UNC5B: variants seen among roughly 807,000 people sequenced by gnomAD.
UNC5B encodes the protein unc-5 netrin receptor B.
In UNC5B, 56 loss-of-function variants were observed where a neutral mutation model predicts 103.7. The ratio of observed to expected loss-of-function variants is 0.54; its 90% CI spans 0.44 to 0.67. The LOEUF is 0.67. UNC5B is among the 30% of genes least tolerant of loss of function. UNC5B has a pLI of 0.00. For synonymous variants in UNC5B, 577 were observed against 542.0 expected, an observed-to-expected ratio of 1.06 and a Z score of -0.90; for missense variants, 1,194 against 1,284.5, an observed-to-expected ratio of 0.93 and a Z score of 1.08.
chr10:71,245,582 A>T (rs1844011671), intron 1 of UNC5B, among the ~76,000 whole-genome samples: 1 of 152,144 alleles, frequency 6.6e-6, no homozygotes, highest in Non-Finnish European at 1.5e-5. Flanking sequence ...GGGTGGATTC[A>T]TCCAGAGAAT....
chr10:71,264,580 T>C (rs1844483315), intron 1 of UNC5B, among the ~76,000 whole-genome samples: 1 of 152,060 alleles, frequency 6.6e-6, no homozygotes, highest in Admixed American at 6.6e-5. Flanking sequence ...ATCATAGAAG[T>C]GTTAAGGAAA....
chr10:71,230,994 G>A (rs1843670259), intron 1 of UNC5B, among the ~76,000 whole-genome samples: 1 of 152,200 alleles, frequency 6.6e-6, no homozygotes, highest in African/African-American at 2.4e-5. Context: ...TGAAGTCATT[G>A]TCCCATTTAA....
At chr10:71,287,449 A>G (rs1845117830) in intron 5 of UNC5B, 149 bp from the exon 6 acceptor site, 3 of 942,150 alleles carry the variant, frequency 3.2e-6, no homozygotes, top group East Asian at 5.2e-5. Flanking sequence ...TCTATCTGCC[A>G]GTTCTGAGTC....
chr10:71,252,746 T>C (rs1844201703), intron 1 of UNC5B, among the ~76,000 whole-genome samples: 1 of 152,098 alleles, frequency 6.6e-6, no homozygotes, highest in African/African-American at 2.4e-5. Flanking sequence ...ACCTGCCTTG[T>C]GAGACGGCAC....
chr10:71,269,317 T>TA (rs917710955), intron 1 of UNC5B, among the ~76,000 whole-genome samples: 3 of 146,106 alleles, frequency 2.1e-5, no homozygotes, highest in South Asian at 2.2e-4. Context: ...TGTTTTCAAT[T>TA]AAAAAAAAAG....
chr10:71,282,978 G>T (rs1423473577), intron 2 of UNC5B, among the ~76,000 whole-genome samples: 1 of 152,140 alleles, frequency 6.6e-6, no homozygotes, highest in Non-Finnish European at 1.5e-5. Context: ...AAATTAGCCA[G>T]GCGTGGTGGC....
intron 1 of UNC5B, among the ~76,000 whole-genome samples, chr10:71,237,012 G>A (rs1163561281): frequency 1.3e-5 from 2 of 152,232 alleles, no homozygotes; most frequent in African/African-American, 4.8e-5. Context: ...TGGAGGAGGT[G>A]GAGGTGTAGA....
chr10:71,290,885 G>A, intron 8 of UNC5B, 30 bp from the exon 9 acceptor site: 1 of 1,591,628 alleles, frequency 6.3e-7, no homozygotes. Context: ...GGTCTCTGCT[G>A]CCCCTTATGT....
At chr10:71,269,725 A>G (rs1205992867) in intron 1 of UNC5B, among the ~76,000 whole-genome samples, 1 of 152,066 alleles carries the variant, frequency 6.6e-6, no homozygotes, top group Admixed American at 6.5e-5. Context: ...CTTTCTGTCC[A>G]GAAACAGACA....
chr10:71,280,120 CTT>C, intron 2 of UNC5B, 75 bp downstream of exon 2: 1 of 1,476,680 alleles, frequency 6.8e-7, no homozygotes, highest in Non-Finnish European at 9.3e-7. Context: ...CCATGTGAGA[CTT>C]CACACAGCCA....
At chr10:71,293,645 T>C in intron 12 of UNC5B, 55 bp from the exon 13 acceptor site, 1 of 1,607,392 alleles carries the variant, frequency 6.2e-7, no homozygotes, top group South Asian at 1.1e-5. Context: ...GCCCTTTTCC[T>C]CTGGCCCAGC....
intron 1 of UNC5B, among the ~76,000 whole-genome samples, chr10:71,239,630 G>A (rs1174367348): frequency 6.6e-6 from 1 of 152,126 alleles, no homozygotes; most frequent in East Asian, 1.9e-4. Context: ...GGCCCAGTCT[G>A]GAGAGCCCAC....
At chr10:71,258,024 G>C (rs979212244) in intron 1 of UNC5B, among the ~76,000 whole-genome samples, 1 of 152,200 alleles carries the variant, frequency 6.6e-6, no homozygotes, top group South Asian at 2.1e-4. Context: ...TGCTTTCACT[G>C]GGAACTGTTT....
At position 71,249,800 on chromosome 10, in the gene UNC5B, A is replaced by G. The variant is rs138085799; in HGVS notation, c.80-30021A>G. On this transcript the variant is annotated intron_variant, in intron 1 of 16. Transcript: ENST00000335350. The stretch of plus-strand genomic sequence containing the variant: ...CAGGAGGTTAGGGCATGGAACAGAT[A>G]GGTTACTTAGAGAATCTTCTGGAAA... 1.2e-4 allele frequency among the ~76,000 whole-genome samples: 18 copies of G among 152,296 alleles called. No homozygotes were observed. In the East Asian group the frequency reaches 3.3e-3, roughly 28 times the overall value.
intron 1 of UNC5B, among the ~76,000 whole-genome samples, chr10:71,275,357 C>T (rs1300402668): frequency 6.6e-6 from 1 of 152,200 alleles, no homozygotes; most frequent in Non-Finnish European, 1.5e-5. Context: ...AGATGTGGTT[C>T]CTCTGTAGAG....
rs201177307 is a variant in UNC5B at position 71,214,615 on chromosome 10, T to C, written c.79+1551T>C. Among the ~76,000 whole-genome samples the C allele has an allele frequency of 4.1e-4, 62 of 152,178 alleles. No individual in the cohort carries two copies. The East Asian group carries it at 0.011, about 27-fold the overall frequency. Reference sequence around the variant, plus strand: ...AAGGGTAGGGTGAAGTCTCTGTAAATGGCACATGGGCAGGGTTGTGTCTTG... The same window carrying C: ...AAGGGTAGGGTGAAGTCTCTGTAAACGGCACATGGGCAGGGTTGTGTCTTG... On this transcript the variant is annotated intron_variant, in intron 1 of 16. Transcript: ENST00000335350.
chr10:71,289,350 C>T (rs75342942), intron 8 of UNC5B, among the ~76,000 whole-genome samples: 7,305 of 152,286 alleles, frequency 0.048, 256 homozygotes, highest in South Asian at 0.13. Context: ...AACCATATGC[C>T]CTTGGCCCTC....
At chr10:71,237,549 G>A (rs1843800935) in intron 1 of UNC5B, among the ~76,000 whole-genome samples, 8 of 60,666 alleles carry the variant, frequency 1.3e-4, no homozygotes, top group Admixed American at 1.1e-3. Flanking sequence ...TAAGAGCAGT[G>A]AGACGTCAAT....
At position 71,213,048 on chromosome 10, in the gene UNC5B, G is replaced by A; in HGVS notation, c.63G>A (p.Pro21=). 7.1e-7 allele frequency: 1 copy of A among 1,406,104 alleles called. No individual in the cohort carries two copies. 87.1% of individuals were successfully genotyped at this position (1,406,104 alleles called of 1,614,324 possible). ...LLLALLLCWD[P]RLSQAGTDSG... is the part of the protein sequence containing the mutation. ...TGGCACTGCTGCTCTGCTGGGACCCGAGGCTGAGCCAAGCAGGTAGGAAGC... is the reference window on the plus strand; with the variant it reads ...TGGCACTGCTGCTCTGCTGGGACCCAAGGCTGAGCCAAGCAGGTAGGAAGC... Residue 21 remains proline (P), a synonymous_variant, in exon 1 of 17, where the codon CCG becomes CCA. Transcript: ENST00000335350. The surrounding 1 kb of genome is among the most constrained non-coding windows in gnomAD (Gnocchi z 4.1).
Sources: gnomAD v4.1 joint callset for allele counts (sites outside exome capture counted in the v4.1 genomes callset) on GRCh38, gnomAD v4.1.1 for gene constraint, Gnocchi (gnomAD v3.1) non-coding constraint, MANE v1.5 for transcripts, NCBI Gene and HGNC (gene_info 2026-07-23, HGNC 2026-07-21) for gene names.